SSBP2: variants seen among roughly 807,000 people sequenced by gnomAD.
SSBP2 encodes the protein single stranded DNA binding protein 2, also known as single-stranded DNA-binding protein 2.
A neutral mutation model predicts 61.8 loss-of-function variants in SSBP2; 17 were observed. That is an observed-to-expected ratio of 0.28 (90% confidence interval 0.19 to 0.41). The LOEUF (loss-of-function observed/expected upper bound fraction) is 0.41, where lower values mean the gene tolerates loss of function less well. SSBP2 is among the 10% of genes least tolerant of loss of function. The pLI is 1.00. For synonymous variants in SSBP2, 139 were observed against 141.3 expected (o/e 0.98, Z 0.12); for missense variants, 310 against 458.7 (o/e 0.68, Z 2.96).
At chr5:81,633,362 C>T (rs1054997491) in intron 3 of SSBP2, among the ~76,000 whole-genome samples, 6 of 152,000 alleles carry the variant, frequency 3.9e-5, no homozygotes, top group African/African-American at 1.2e-4. Context: ...GTGATCCACC[C>T]GCCTCAGCCT....
In SSBP2 at chr5:81,416,596, G is replaced by A. The variant is rs535312113; in HGVS notation, c.*3908C>T. On this transcript the variant is annotated 3_prime_UTR_variant, in exon 17 of 17. Coordinates refer to ENST00000320672, the MANE Select transcript of SSBP2 (RefSeq NM_012446.5). The stretch of plus-strand genomic sequence containing the variant: ...GAATGCTTTGCTATACATTCCTAGG[G>A]ACAATATGATGAAGAAAAGATATAG... The A allele has an allele frequency of 5.3e-5, 8 of 152,216 alleles. No individual in the cohort carries two copies. The highest frequency in any genetic ancestry group is 2.1e-4 in the South Asian group (1 of 4,816). 9.4% of individuals were successfully genotyped at this position (152,216 alleles called of 1,614,324 possible). A position where few individuals can be genotyped will look rare whatever the true frequency, so the allele number is the denominator to read the frequency against.
At chr5:81,456,770 A>G (rs1202138109) in intron 10 of SSBP2, among the ~76,000 whole-genome samples, 1 of 152,206 alleles carries the variant, frequency 6.6e-6, no homozygotes, top group Non-Finnish European at 1.5e-5. Context: ...GCTGTCATGT[A>G]AAAGAGTGCC....
At chr5:81,728,320 A>G (rs895834065) in intron 1 of SSBP2, among the ~76,000 whole-genome samples, 12 of 152,224 alleles carry the variant, frequency 7.9e-5, no homozygotes, top group Non-Finnish European at 1.6e-4. Flanking sequence ...AATGATTTTC[A>G]AAGTTTTACT....
At chr5:81,612,442 T>C (rs1052556591) in intron 4 of SSBP2, among the ~76,000 whole-genome samples, 2 of 152,124 alleles carry the variant, frequency 1.3e-5, no homozygotes, top group Non-Finnish European at 2.9e-5. Flanking sequence ...ATTGCAGATA[T>C]TTGGAAAATA....
At chr5:81,427,949 C>T (rs142656984) in intron 16 of SSBP2, among the ~76,000 whole-genome samples, 4 of 152,272 alleles carry the variant, frequency 2.6e-5, no homozygotes, top group African/African-American at 9.6e-5. Context: ...CATAGAACTC[C>T]TTGAGAAAAG....
chr5:81,716,367 T>C lies in SSBP2; in HGVS notation c.62+34614A>G, dbSNP rs917650387. The stretch of plus-strand genomic sequence containing the variant: ...GCTTGTAAAACACTGATAAAATGTG[T>C]ACAAAACACTGATAAAATTAAATCA... On this transcript the variant is annotated intron_variant, in intron 1 of 16. Coordinates refer to ENST00000320672, the MANE Select transcript of SSBP2 (RefSeq NM_012446.5). 2.0e-5 allele frequency among the ~76,000 whole-genome samples: 3 copies of C among 152,168 alleles called. 1 individual carries two copies. In the South Asian group the frequency reaches 6.2e-4, roughly 31 times the overall value.
chr5:81,707,817 T>G (rs1225240367), intron 1 of SSBP2, among the ~76,000 whole-genome samples: 3 of 152,116 alleles, frequency 2.0e-5, no homozygotes, highest in African/African-American at 7.2e-5. Context: ...CTCTTTCAGG[T>G]TGTTGTGAGG....
Position 81,513,642 on chromosome 5 carries a change from G to C in SSBP2, c.358C>G (p.Pro120Ala). ...TCTCTGAGTACCTGAAAGAACCCTGGTGGTACAGGACCTACTGGCATGCCA... is the reference window on the plus strand; with the variant it reads ...TCTCTGAGTACCTGAAAGAACCCTGCTGGTACAGGACCTACTGGCATGCCA... Residue 120 changes from proline to alanine, a missense_variant, in exon 5 of 17, where the codon CCA becomes GCA. Coordinates refer to ENST00000320672, the MANE Select transcript of SSBP2 (RefSeq NM_012446.5). 6.2e-7 allele frequency: 1 copy of C among 1,610,166 alleles called. No individual in the cohort carries two copies. The highest frequency in any genetic ancestry group is 8.5e-7 in the Non-Finnish European group (1 of 1,176,848).
chr5:81,587,745 A>ACG (rs1303992551), intron 4 of SSBP2, among the ~76,000 whole-genome samples: 1 of 129,556 alleles, frequency 7.7e-6, no homozygotes, highest in Admixed American at 8.4e-5. Flanking sequence ...ATACACACAC[A>ACG]CGCACACACA....
At chr5:81,475,634 C>T (rs1416673670) in intron 6 of SSBP2, among the ~76,000 whole-genome samples, 1 of 151,930 alleles carries the variant, frequency 6.6e-6, no homozygotes, top group Non-Finnish European at 1.5e-5. Flanking sequence ...TTCATGCATT[C>T]AATCAACAAT....
intron 6 of SSBP2, among the ~76,000 whole-genome samples, chr5:81,487,407 A>G (rs1317119998): frequency 6.6e-6 from 1 of 152,156 alleles, no homozygotes; most frequent in East Asian, 1.9e-4. Flanking sequence ...TGTAGATTAA[A>G]ATGTTGGAAG....
At chr5:81,538,707 T>C (rs1367342141) in intron 4 of SSBP2, among the ~76,000 whole-genome samples, 1 of 152,218 alleles carries the variant, frequency 6.6e-6, no homozygotes, top group Admixed American at 6.5e-5. Context: ...GAAAATCCTA[T>C]GGCCCTTCAG....
chr5:81,633,008 C>T (rs1299223849), intron 3 of SSBP2, among the ~76,000 whole-genome samples: 3 of 151,650 alleles, frequency 2.0e-5, no homozygotes, highest in African/African-American at 7.3e-5. Flanking sequence ...GTTGTCACTA[C>T]TGACCTTTCT....
intron 3 of SSBP2, among the ~76,000 whole-genome samples, chr5:81,630,864 A>C (rs1393421169): frequency 1.3e-5 from 2 of 152,144 alleles, no homozygotes; most frequent in Admixed American, 6.5e-5. Context: ...AAAGCATGTA[A>C]AAGAGAAAGA....
chr5:81,725,687 TA>T (rs1755830224), intron 1 of SSBP2, among the ~76,000 whole-genome samples: 1 of 152,152 alleles, frequency 6.6e-6, no homozygotes, highest in Admixed American at 6.5e-5. Context: ...ATGAAACAGA[TA>T]TACAGAGATC....
intron 10 of SSBP2, among the ~76,000 whole-genome samples, chr5:81,455,732 G>A (rs1764101684): frequency 6.7e-6 from 1 of 150,144 alleles, no homozygotes; most frequent in South Asian, 2.1e-4. Flanking sequence ...TGAAGATGTA[G>A]AAGATAAGCA....
intron 3 of SSBP2, among the ~76,000 whole-genome samples, chr5:81,631,190 G>A (rs892109579): frequency 2.0e-5 from 3 of 152,148 alleles, no homozygotes; most frequent in Non-Finnish European, 2.9e-5. Context: ...GTAGTGAACC[G>A]TTGGAACAAC....
intron 1 of SSBP2, among the ~76,000 whole-genome samples, chr5:81,733,783 T>C (rs1756420499): frequency 6.6e-6 from 1 of 152,158 alleles, no homozygotes; most frequent in Non-Finnish European, 1.5e-5. Context: ...ACTTAGGAAA[T>C]TGAAAGCTTC....
intron 1 of SSBP2, among the ~76,000 whole-genome samples, chr5:81,715,171 G>A (rs1755091828): frequency 6.6e-6 from 1 of 152,096 alleles, no homozygotes; most frequent in South Asian, 2.1e-4. Flanking sequence ...TGGGGAGACA[G>A]GGGGAGAGAC....
Sources: gnomAD v4.1 joint callset for allele counts (sites outside exome capture counted in the v4.1 genomes callset) on GRCh38, gnomAD v4.1.1 for gene constraint, MANE v1.5 for transcripts, NCBI Gene and HGNC (gene_info 2026-07-23, HGNC 2026-07-21) for gene names.